LRP4: variants seen among roughly 807,000 people sequenced by gnomAD.
The protein encoded by LRP4 is low-density lipoprotein receptor-related protein 4.
Under a neutral mutation model 220.3 loss-of-function variants are expected in LRP4, and 95 were observed. The observed-to-expected ratio is 0.43, with a 90% CI of 0.37 to 0.51. LRP4 has a LOEUF of 0.51. Ranked by LOEUF, LRP4 falls within the 20% of genes least tolerant of loss-of-function variation. LRP4 has a pLI of 0.00. For missense variants in LRP4, 1,925 were observed against 2,567.0 expected (o/e 0.75, Z 5.40); for synonymous variants, 903 against 954.6 (o/e 0.95, Z 1.00).
At chr11:46,859,464 G>T in intron 37 of LRP4, 149 bp from the exon 38 acceptor site, 1 of 708,268 alleles carries the variant, frequency 1.4e-6, no homozygotes, top group South Asian at 1.5e-5. Flanking sequence ...ATTAAGACAA[G>T]TGTATGAGGC....
rs1242822121 is a variant in LRP4, at chr11:46,857,640, AAAAC to A, written c.*1339_*1342del. On this transcript the variant is annotated 3_prime_UTR_variant, in exon 38 of 38. Transcript: ENST00000378623. ...GGTCAGAAAAAGCAAATTAGGCAAA[AAAAC>A]AAACAAAAAAACCCCACGAAGAACA... The A allele has an allele frequency of 2.6e-5, 4 of 152,162 alleles. No individual in the cohort carries two copies. The highest frequency in any genetic ancestry group is 7.3e-5 in the African/African-American group (3 of 41,374). The allele number at this position is 152,162 out of a possible 1,614,324, so 9.4% of individuals were successfully genotyped here.
Position 46,918,408 on chromosome 11 carries a change from C to A in LRP4, c.-29G>T. 7.4e-7 allele frequency: 1 copy of A among 1,348,290 alleles called. No individual in the cohort carries two copies. Among genetic ancestry groups the A allele is most frequent in the South Asian group, 1.8e-5 (1 of 54,824 alleles). 83.5% of individuals were successfully genotyped at this position (1,348,290 alleles called of 1,614,324 possible). A position where few individuals can be genotyped will look rare whatever the true frequency, so the allele number is the denominator to read the frequency against. On this transcript the variant is annotated 5_prime_UTR_variant, in exon 1 of 38. Coordinates refer to ENST00000378623, the MANE Select transcript of LRP4 (RefSeq NM_002334.4). This position sits in a 1 kb window ranked among gnomAD's most constrained non-coding sequence, Gnocchi z 6.0. ...GCCGCCCGCGCCGCTCGCCCGGGGTCCCGCCGGCTCCCGCCGGACGGCGCG... is the reference window on the plus strand; with the variant it reads ...GCCGCCCGCGCCGCTCGCCCGGGGTACCGCCGGCTCCCGCCGGACGGCGCG...
intron 1 of LRP4, among the ~76,000 whole-genome samples, chr11:46,916,540 A>C (rs1592558296): frequency 6.4e-5 from 8 of 125,184 alleles, no homozygotes; most frequent in East Asian, 2.8e-4. Context: ...CCCCATTCTC[A>C]CCCCCATCCT....
At position 46,874,969 on chromosome 11, in the gene LRP4, T is replaced by A. The variant is rs1478395386; in HGVS notation, c.4060A>T (p.Thr1354Ser). Residue 1354 changes from threonine (T) to serine (S), a missense_variant, in exon 28 of 38, where the codon ACC becomes TCC. By Grantham distance (58) the Thr-to-Ser change is moderately conservative. Around this residue, in one of 3 missense-constraint regions of LRP4, gnomAD observed 1,244 missense variants for 1,624.9 expected, o/e 0.77. Coordinates refer to ENST00000378623, the MANE Select transcript of LRP4 (RefSeq NM_002334.4). Reference protein sequence around the residue: ...DGKTCDPSPETYLLFSSRGSI... With the variant: ...DGKTCDPSPESYLLFSSRGSI... ...CCACGGCTGGAGAAGAGCAGGTAGG[T>A]CTCAGGAGAGGGATCACAGGTCTTC... 6.2e-7 allele frequency: 1 copy of A among 1,614,054 alleles called. No individual in the cohort carries two copies. The highest frequency in any genetic ancestry group is 1.7e-5 in the Admixed American group (1 of 60,006).
intron 2 of LRP4, among the ~76,000 whole-genome samples, chr11:46,901,708 G>A (rs1218698497): frequency 1.3e-5 from 2 of 152,052 alleles, no homozygotes; most frequent in Non-Finnish European, 2.9e-5. Flanking sequence ...TACCATGCTA[G>A]GGGAAAAGGG....
At position 46,918,459 on chromosome 11, in the gene LRP4, G is replaced by C. The variant is rs1274524165; in HGVS notation, c.-80C>G. The C allele has an allele frequency of 1.8e-6, 2 of 1,113,066 alleles. No individual in the cohort carries two copies. The highest frequency in any genetic ancestry group is 1.1e-6 in the Non-Finnish European group (1 of 880,542). 68.9% of individuals were successfully genotyped at this position (1,113,066 alleles called of 1,614,324 possible). On this transcript the variant is annotated 5_prime_UTR_variant, in exon 1 of 38. Transcript: ENST00000378623. This position sits in a 1 kb window ranked among gnomAD's most constrained non-coding sequence, Gnocchi z 6.0. ...GCGGAGAAGCCCGCGGAGGGTCCCC[G>C]AGGGGGAAGCGTCCCGGGTGCACGG...
Position 46,875,984 on chromosome 11 carries a change from T to G in LRP4, c.3537-18A>C, listed in dbSNP as rs374002017. 2 of 1,608,830 alleles carry G rather than the reference T, an allele frequency of 1.2e-6. No homozygotes were observed. Among genetic ancestry groups the G allele is most frequent in the South Asian group, 1.1e-5 (1 of 90,946 alleles). ...ACATAAACCTGAGTGAGGAAGAATA[T>G]TAGCTATATTAGCTAGTTATTCCAG... On this transcript the variant is annotated intron_variant, in intron 25 of 37. Transcript: ENST00000378623. The surrounding 1 kb of genome is among the most constrained non-coding windows in gnomAD (Gnocchi z 4.5).
intron 19 of LRP4, among the ~76,000 whole-genome samples, chr11:46,883,302 T>A (rs1941204935): frequency 6.6e-6 from 1 of 152,218 alleles, no homozygotes; most frequent in Non-Finnish European, 1.5e-5. Context: ...CTGTGACATG[T>A]TCATGATGGC....
Position 46,889,955 on chromosome 11 carries a change from C to A in LRP4, c.2081G>T (p.Arg694Leu). Residue 694 changes from arginine to leucine, a missense_variant, in exon 15 of 38, where the codon CGC becomes CTC. Around this residue, in one of 3 missense-constraint regions of LRP4, gnomAD observed 1,244 missense variants for 1,624.9 expected, o/e 0.77. Transcript: ENST00000378623. ...PMDIHTLHPQ[R>L]QPAGKNRCGD... ...GGGCAGTTTTTTACCTGCAGGTTGG[C>A]GCTGGGGGTGCAAGGTGTGGATGTC... 1 of 1,614,114 alleles carries A rather than the reference C, an allele frequency of 6.2e-7. No homozygotes were observed.
intron 15 of LRP4, 80 bp downstream of exon 15, chr11:46,889,864 G>C (rs1592536158): frequency 1.3e-6 from 2 of 1,504,160 alleles, no homozygotes; most frequent in Admixed American, 3.4e-5. Context: ...CAACTCTAAG[G>C]GGAAGGAAGG....
At chr11:46,893,273 A>G in intron 12 of LRP4, 144 bp from the exon 13 acceptor site, 1 of 786,860 alleles carries the variant, frequency 1.3e-6, no homozygotes, top group Non-Finnish European at 2.2e-6. Flanking sequence ...TCATTTAAGC[A>G]TCACAACTCT....
intron 34 of LRP4, among the ~76,000 whole-genome samples, chr11:46,866,291 GT>G (rs534050205): frequency 9.3e-4 from 134 of 144,222 alleles, no homozygotes; most frequent in Non-Finnish European, 1.5e-3. Flanking sequence ...TTTGTTTTTT[GT>G]TTTTTTTTTG....
In LRP4 at chr11:46,890,202, T is replaced by C; in HGVS notation, c.1915+75A>G. On this transcript the variant is annotated intron_variant, in intron 14 of 37. Coordinates refer to ENST00000378623, the MANE Select transcript of LRP4 (RefSeq NM_002334.4). The surrounding 1 kb of genome is among the most constrained non-coding windows in gnomAD (Gnocchi z 5.3). ...CCAGGCCTGGCAACTACACAAAACC[T>C]CTACCAAGGCTCCTGGGGGGCAGGG... 1.6e-5 allele frequency: 26 copies of C among 1,606,342 alleles called. No individual in the cohort carries two copies. The highest frequency in any genetic ancestry group is 2.0e-5 in the Non-Finnish European group (24 of 1,173,336).
chr11:46,890,384 A>T lies in LRP4; in HGVS notation c.1808T>A (p.Leu603His). 1.9e-6 allele frequency: 3 copies of T among 1,614,156 alleles called. No homozygotes were observed. The highest frequency in any genetic ancestry group is 2.5e-6 in the Non-Finnish European group (3 of 1,180,028). ...ADTHLFWPNG[L>H]TIDYAGRRMY... ...ACGGCGCCCGGCATAGTCGATGGTG[A>T]GGCCATTGGGCCAGAAGAGATGGGT... Residue 603 changes from leucine to histidine, a missense_variant, in exon 14 of 38, where the codon CTC becomes CAC. By Grantham distance (99) the Leu-to-His change is moderately conservative (BLOSUM62 -3). This residue lies in a region of LRP4 where 269 missense variants were observed against 436.7 expected (regional missense o/e 0.62). Coordinates refer to ENST00000378623, the MANE Select transcript of LRP4 (RefSeq NM_002334.4). The surrounding 1 kb of genome is among the most constrained non-coding windows in gnomAD (Gnocchi z 5.3).
At chr11:46,897,948 G>A (rs1941575018) in intron 7 of LRP4, among the ~76,000 whole-genome samples, 1 of 151,994 alleles carries the variant, frequency 6.6e-6, no homozygotes, top group African/African-American at 2.4e-5. Flanking sequence ...CAGTAGGGGC[G>A]GCCGGGCAGA....
At chr11:46,861,995 G>A (rs1220747413) in intron 37 of LRP4, among the ~76,000 whole-genome samples, 4 of 151,292 alleles carry the variant, frequency 2.6e-5, no homozygotes, top group African/African-American at 9.7e-5. Flanking sequence ...TTGAACCCGG[G>A]AGGTGGAGGT....
rs528204333 is a variant in LRP4, at chr11:46,896,486, G to A, written c.923-151C>T. ...GCAGGAAGCAGCTCAGACAGGGCTG[G>A]CTGAATGTCTGCATTTGCTTTCTCC... On this transcript the variant is annotated intron_variant, in intron 8 of 37. Coordinates refer to ENST00000378623, the MANE Select transcript of LRP4 (RefSeq NM_002334.4). 3.0e-5 allele frequency: 28 copies of A among 929,874 alleles called. No individual in the cohort carries two copies. In the African/African-American group the frequency reaches 4.6e-4, roughly 15 times the overall value. 57.6% of individuals were successfully genotyped at this position (929,874 alleles called of 1,614,324 possible). A position where few individuals can be genotyped will look rare whatever the true frequency, so the allele number is the denominator to read the frequency against.
Position 46,866,278 on chromosome 11 carries a change from T to G in LRP4, c.5088-1092A>C, listed in dbSNP as rs188633367. On this transcript the variant is annotated intron_variant, in intron 34 of 37. Coordinates refer to ENST00000378623, the MANE Select transcript of LRP4 (RefSeq NM_002334.4). ...TATTTCCAGATTATTTATTTATTTA[T>G]TTTTTGTTTTTTGTTTTTTTTTTGA... Among the ~76,000 whole-genome samples the G allele has an allele frequency of 2.8e-3, 420 of 151,550 alleles. 2 individuals are homozygous for G. The highest frequency in any genetic ancestry group is 9.6e-3 in the African/African-American group (398 of 41,318).
rs1356957714 is a variant in LRP4, at chr11:46,888,305, GC to G, written c.2215+1105del. ...ACAGTGGCTCATGCCTGTAATGCCA[GC>G]ACTTTGGGAGGCTGAGGTGGGTGGA... is the stretch of plus-strand genomic sequence containing the variant. On this transcript the variant is annotated intron_variant, in intron 16 of 37. Transcript: ENST00000378623. Among the ~76,000 whole-genome samples the G allele has an allele frequency of 6.6e-5, 10 of 150,974 alleles. 1 individual carries two copies. Among genetic ancestry groups the G allele is most frequent in the South Asian group, 4.2e-4 (2 of 4,790 alleles).
Sources: allele counts gnomAD v4.1 joint callset (sites outside exome capture counted in the v4.1 genomes callset), GRCh38; gene constraint gnomAD v4.1.1; regional missense constraint gnomAD v4.1.1; non-coding constraint Gnocchi (gnomAD v3.1); transcripts MANE v1.5; gene names NCBI Gene and HGNC (gene_info 2026-07-23, HGNC 2026-07-21).